The following DAB2IP variants were observed in gnomAD, a reference collection of about 807,000 sequenced individuals.
DAB2IP encodes the protein disabled homolog 2-interacting protein.
Under a neutral mutation model 107.2 loss-of-function variants are expected in DAB2IP, and 28 were observed. The observed-to-expected ratio is 0.26, with a 90% confidence interval of 0.19 to 0.36. The LOEUF is 0.36. Ranked by LOEUF, DAB2IP falls within the 10% of genes least tolerant of loss-of-function variation. The pLI is 1.00. For missense variants in DAB2IP, 1,400 were observed against 1,644.7 expected, an observed-to-expected ratio of 0.85 and a Z score of 2.57; for synonymous variants, 755 against 706.4, an observed-to-expected ratio of 1.07 and a Z score of -1.09.
chr9:121,594,787 A>G (rs533557680), intron 1 of DAB2IP, among the ~76,000 whole-genome samples: 59 of 152,316 alleles, frequency 3.9e-4, no homozygotes, highest in African/African-American at 1.4e-3. Flanking sequence ...AGCAAGGTGC[A>G]ACAATCTACA....
intron 2 of DAB2IP, among the ~76,000 whole-genome samples, chr9:121,690,719 C>G (rs1463105554): frequency 6.6e-6 from 1 of 152,192 alleles, no homozygotes; most frequent in Non-Finnish European, 1.5e-5. Flanking sequence ...TTACCCTCTT[C>G]AAATCTGGGC....
chr9:121,773,067 G>A, exon 12 of DAB2IP: 3 of 1,612,546 alleles, frequency 1.9e-6, no homozygotes, highest in Non-Finnish European at 2.5e-6. Flanking sequence ...CCGTGGCCTT[G>A]GCGACTCAGG....
At chr9:121,650,788 G>C (rs1832713286), upstream of DAB2IP, among the ~76,000 whole-genome samples, 1 of 152,206 alleles carries the variant, frequency 6.6e-6, no homozygotes, top group African/African-American at 2.4e-5. Context: ...GTCGGGTGGA[G>C]AAAATAGCCA....
chr9:121,765,205 TC>T (rs1266534742), intron 8 of DAB2IP, among the ~76,000 whole-genome samples: 1 of 151,702 alleles, frequency 6.6e-6, no homozygotes, highest in African/African-American at 2.4e-5. Flanking sequence ...GCTTTCCCCC[TC>T]CCCCTCTTCC....
chr9:121,656,735 T>C (rs75791887), intron 1 of DAB2IP, among the ~76,000 whole-genome samples: 5,000 of 152,318 alleles, frequency 0.033, 119 homozygotes, highest in South Asian at 0.08. Flanking sequence ...CCTTGTCTTA[T>C]GCAGTGTTCA....
At chr9:121,591,392 C>G (rs1830419515) in intron 1 of DAB2IP, among the ~76,000 whole-genome samples, 1 of 152,326 alleles carries the variant, frequency 6.6e-6, no homozygotes, top group Admixed American at 6.5e-5. Flanking sequence ...TCGCTTGAAG[C>G]CAGGAGGTGG....
exon 16 of DAB2IP, chr9:121,783,274 C>A: frequency 1.5e-6 from 2 of 1,362,908 alleles, no homozygotes; most frequent in Non-Finnish European, 1.9e-6. Context: ...CTTCCCACAC[C>A]TCCCACACAG....
Position 121,636,869 on chromosome 9 carries a change from G to A in DAB2IP, c.41-41809G>A, listed in dbSNP as rs879804669. On this transcript the variant is annotated intron_variant, in intron 1 of 16. Coordinates refer to the DAB2IP transcript ENST00000259371. The stretch of plus-strand genomic sequence containing the variant: ...CTCATTCAAGTCTTGTGACAGTTCT[G>A]GGAGGATAGTATTCAGATTCTACAG... 1.5e-4 allele frequency among the ~76,000 whole-genome samples: 23 copies of A among 152,176 alleles called. 1 individual carries two copies. Among genetic ancestry groups the A allele is most frequent in the Middle Eastern group, 3.2e-3 (1 of 316 alleles).
intron 3 of DAB2IP, among the ~76,000 whole-genome samples, chr9:121,716,796 C>G (rs61428776): frequency 0.037 from 5,670 of 152,270 alleles, 334 homozygotes; most frequent in African/African-American, 0.12. Flanking sequence ...GGAGCCATTG[C>G]ACCAAGGTAG....
chr9:121,678,683 C>T (rs1193378698), exon 2 of DAB2IP: 2 of 1,564,668 alleles, frequency 1.3e-6, no homozygotes, highest in Non-Finnish European at 1.7e-6. Context: ...GGCAGAGTCG[C>T]CTCAAGAAAG....
intron 1 of DAB2IP, among the ~76,000 whole-genome samples, chr9:121,641,960 TTCTCTCTC>T (rs72270529): frequency 9.1e-6 from 1 of 110,116 alleles, no homozygotes; most frequent in South Asian, 3.2e-4. Context: ...CTTTCTTTCT[TTCTCTCTC>T]TCTCTTTCTT....
intron 1 of DAB2IP, among the ~76,000 whole-genome samples, chr9:121,668,907 CTTTTTTTT>C (rs377320590): frequency 2.8e-5 from 2 of 72,154 alleles, no homozygotes; most frequent in Non-Finnish European, 4.9e-5. Flanking sequence ...GTAAGCCTTA[CTTTTTTTT>C]TTTTTTTTTT....
At chr9:121,601,177 C>A (rs1830674771) in intron 1 of DAB2IP, among the ~76,000 whole-genome samples, 1 of 152,168 alleles carries the variant, frequency 6.6e-6, no homozygotes, top group African/African-American at 2.4e-5. Context: ...TTTTAGACAC[C>A]TGGAGGTAAC....
chr9:121,598,475 G>A (rs966956715), intron 1 of DAB2IP: 1 of 152,242 alleles, frequency 6.6e-6, no homozygotes, highest in Non-Finnish European at 1.5e-5. Flanking sequence ...CACAGGTGCC[G>A]CGGAGGGTGG....
rs190390343 is a variant in DAB2IP, at chr9:121,611,692, C to T, written c.40+44464C>T. ...CTCTGCCTCCTGGGTTCAAGTGATT[C>T]TCCTGCCTCAACCTCCTGAGTAGCT... On this transcript the variant is annotated intron_variant, in intron 1 of 16. Transcript: ENST00000259371. Among the ~76,000 whole-genome samples, 4 of 152,218 alleles carry T rather than the reference C, an allele frequency of 2.6e-5. No individual in the cohort carries two copies. In the East Asian group the frequency reaches 7.7e-4, roughly 29 times the overall value.
intron 1 of DAB2IP, among the ~76,000 whole-genome samples, chr9:121,578,377 C>G (rs968036004): frequency 1.3e-5 from 2 of 152,064 alleles, no homozygotes; most frequent in African/African-American, 4.8e-5. Context: ...CTCCTCTCCC[C>G]CTAGTGACTC....
chr9:121,656,070 G>A (rs970416655), intron 1 of DAB2IP, among the ~76,000 whole-genome samples: 3 of 151,420 alleles, frequency 2.0e-5, no homozygotes, highest in African/African-American at 4.9e-5. Context: ...GTGCAATGGC[G>A]CGATCTCAGC....
exon 9 of DAB2IP, chr9:121,766,669 C>T (rs758080280): frequency 4.3e-6 from 7 of 1,614,050 alleles, no homozygotes; most frequent in African/African-American, 1.3e-5. Context: ...CCCTGATGAC[C>T]GCACTGCCCG....
Position 121,651,603 on chromosome 9 carries a change from A to AG in DAB2IP, c.-168dup. The AG allele has an allele frequency of 1.0e-6, 1 of 981,778 alleles. No homozygotes were observed. Among genetic ancestry groups the AG allele is most frequent in the Non-Finnish European group, 1.2e-6 (1 of 813,278 alleles). The allele number at this position is 981,778 out of a possible 1,614,324, so 60.8% of individuals were successfully genotyped here. On this transcript the variant is annotated 5_prime_UTR_variant, in exon 1 of 16. Coordinates refer to ENST00000408936, the Ensembl canonical transcript of DAB2IP. This position sits in a 1 kb window ranked among gnomAD's most constrained non-coding sequence, Gnocchi z 5.1. ...CGGGGCCGGCTGCTCGGGGAGCGGG[A>AG]GGGGGCAGGAGGCGGAGGAGGAGTT... is the stretch of plus-strand genomic sequence containing the variant.
Sources: gnomAD v4.1 joint callset for allele counts (sites outside exome capture counted in the v4.1 genomes callset) on GRCh38, gnomAD v4.1.1 for gene constraint, Gnocchi (gnomAD v3.1) non-coding constraint, MANE v1.5 for transcripts, NCBI Gene and HGNC (gene_info 2026-07-23, HGNC 2026-07-21) for gene names.